The following CUTC variants were observed in gnomAD, a reference collection of about 807,000 sequenced individuals.
CUTC encodes the protein cutC copper transporter.
In CUTC, 27 loss-of-function variants were observed where a neutral mutation model predicts 36.2. The ratio of observed to expected loss-of-function variants is 0.75; its 90% CI spans 0.55 to 1.03. The LOEUF (loss-of-function observed/expected upper bound fraction) is 1.03. Among genes scored for constraint, CUTC ranks in the 50% least tolerant of loss-of-function variants. CUTC has a pLI of 0.00. For missense variants in CUTC, 315 were observed against 343.5 expected (o/e 0.92, Z 0.66); for synonymous variants, 114 against 118.3 (o/e 0.96, Z 0.24).
intron 6 of CUTC, among the ~76,000 whole-genome samples, chr10:99,748,688 A>G (rs2037397138): frequency 6.6e-6 from 1 of 152,186 alleles, no homozygotes; most frequent in African/African-American, 2.4e-5. Context: ...AATTAGAGGA[A>G]GCTTCCCAGA....
chr10:99,744,863 C>A lies in CUTC; in HGVS notation c.439+791C>A, dbSNP rs998120616. Among the ~76,000 whole-genome samples, 51 of 152,328 alleles carry A rather than the reference C, an allele frequency of 3.3e-4. 1 individual carries two copies. The highest frequency in any genetic ancestry group is 1.2e-3 in the African/African-American group (49 of 41,584). On this transcript the variant is annotated intron_variant, in intron 5 of 8. Transcript: ENST00000370476. Reference sequence around the variant, plus strand: ...CTGCCTCCCGGGTTCAAGCAGTTCTCTGCCTCAGCCTCCCGAGTAGCTGGG... The same window carrying A: ...CTGCCTCCCGGGTTCAAGCAGTTCTATGCCTCAGCCTCCCGAGTAGCTGGG...
chr10:99,747,191 T>G, intron 5 of CUTC, 66 bp from the exon 6 acceptor site: 1 of 1,575,088 alleles, frequency 6.3e-7, no homozygotes, highest in Non-Finnish European at 8.7e-7. Context: ...GCATGTATAC[T>G]ACATTTTGGG....
intron 6 of CUTC, among the ~76,000 whole-genome samples, chr10:99,748,425 A>G (rs2133676475): frequency 6.6e-6 from 1 of 152,318 alleles, no homozygotes; most frequent in African/African-American, 2.4e-5. Flanking sequence ...TAAAGATCTG[A>G]TGTGACTTTG....
At chr10:99,752,214 T>C (rs1173124862) in intron 7 of CUTC, among the ~76,000 whole-genome samples, 1 of 152,038 alleles carries the variant, frequency 6.6e-6, no homozygotes, top group Non-Finnish European at 1.5e-5. Flanking sequence ...GACACCATCT[T>C]TACCAAAACG....
chr10:99,741,080 T>G (rs187113397), intron 3 of CUTC, among the ~76,000 whole-genome samples: 1 of 152,358 alleles, frequency 6.6e-6, no homozygotes, highest in East Asian at 1.9e-4. Flanking sequence ...TATATCTTAT[T>G]TTCCTGCCTT....
In CUTC at chr10:99,755,943, A is replaced by C; in HGVS notation, c.*204A>C. 1 of 501,994 alleles carries C rather than the reference A, an allele frequency of 2.0e-6. No individual in the cohort carries two copies. The highest frequency in any genetic ancestry group is 3.5e-6 in the Non-Finnish European group (1 of 283,698). The allele number at this position is 501,994 out of a possible 1,614,324, so 31.1% of individuals were successfully genotyped here. A position where few individuals can be genotyped will look rare whatever the true frequency, so the allele number is the denominator to read the frequency against. On this transcript the variant is annotated 3_prime_UTR_variant, in exon 9 of 9. Transcript: ENST00000370476. ...GTCACTTCCTTTGCTTAGTCTTACCAGTGATTGTCATCATGGTTAAAGCTG... is the reference window on the plus strand; with the variant it reads ...GTCACTTCCTTTGCTTAGTCTTACCCGTGATTGTCATCATGGTTAAAGCTG...
Position 99,732,416 on chromosome 10 carries a change from A to T in CUTC, c.61+7A>T. 1 of 1,550,630 alleles carries T rather than the reference A, an allele frequency of 6.4e-7. No individual in the cohort carries two copies. The highest frequency in any genetic ancestry group is 1.8e-4 in the Middle Eastern group (1 of 5,464). On this transcript the variant is annotated splice_region_variant and intron_variant, in intron 1 of 8. Coordinates refer to ENST00000370476, the MANE Select transcript of CUTC (RefSeq NM_015960.3). ...ATACCGTCCGGGAAGGCCGGTGCGG[A>T]AGGTGGCGGGGGAGGGGACGGTCGG...
chr10:99,733,212 G>A (rs1008633764), intron 1 of CUTC, among the ~76,000 whole-genome samples: 5 of 152,152 alleles, frequency 3.3e-5, no homozygotes, highest in African/African-American at 1.2e-4. Flanking sequence ...GGGAGGCTGA[G>A]GCAGGAGAAT....
intron 5 of CUTC, among the ~76,000 whole-genome samples, chr10:99,746,782 AT>A (rs2037380524): frequency 2.0e-5 from 3 of 151,744 alleles, no homozygotes; most frequent in Admixed American, 2.0e-4. Flanking sequence ...TTAAATTTTT[AT>A]TTTTCTTTTG....
At chr10:99,751,608 A>T (rs994547168) in intron 7 of CUTC, among the ~76,000 whole-genome samples, 8 of 152,228 alleles carry the variant, frequency 5.3e-5, no homozygotes, top group African/African-American at 1.9e-4. Flanking sequence ...CTGTAATCCC[A>T]GCACTTTGGG....
intron 6 of CUTC, among the ~76,000 whole-genome samples, chr10:99,748,825 A>G (rs982146106): frequency 4.6e-5 from 7 of 152,242 alleles, no homozygotes; most frequent in African/African-American, 1.4e-4. Flanking sequence ...ATACAAAACA[A>G]ATAGTATAAG....
In CUTC at chr10:99,737,247, G is replaced by A. The variant is rs567272655; in HGVS notation, c.133+930G>A. ...CACACCACTGCACTCTAGCCTGGGT[G>A]ACACAGCCAGATCTTGTCTAAAAAA... is the stretch of plus-strand genomic sequence containing the variant. On this transcript the variant is annotated intron_variant, in intron 2 of 8. Coordinates refer to ENST00000370476, the MANE Select transcript of CUTC (RefSeq NM_015960.3). Among the ~76,000 whole-genome samples, 13 of 150,450 alleles carry A rather than the reference G, an allele frequency of 8.6e-5. No homozygotes were observed. The South Asian group carries it at 2.5e-3, about 29-fold the overall frequency.
At chr10:99,751,117 A>G (rs2037413277) in intron 7 of CUTC, among the ~76,000 whole-genome samples, 1 of 152,206 alleles carries the variant, frequency 6.6e-6, no homozygotes, top group Admixed American at 6.5e-5. Context: ...AATTTGTCTC[A>G]TCTTTTTTCT....
chr10:99,741,983 T>C (rs2037344975), intron 3 of CUTC, among the ~76,000 whole-genome samples: 1 of 152,204 alleles, frequency 6.6e-6, no homozygotes, highest in African/African-American at 2.4e-5. Flanking sequence ...GCTACTTCAG[T>C]CTTCCTGAAC....
At chr10:99,751,861 A>G (rs192366095) in intron 7 of CUTC, among the ~76,000 whole-genome samples, 3 of 152,360 alleles carry the variant, frequency 2.0e-5, no homozygotes, top group Admixed American at 6.5e-5. Context: ...CCGTCTCAAA[A>G]TAAAATAAAA....
intron 1 of CUTC, chr10:99,732,713 G>C (rs2037228488): frequency 1.4e-6 from 1 of 733,604 alleles, no homozygotes; most frequent in African/African-American, 1.9e-5. Context: ...GCCACACGAG[G>C]ATGCCAGTAC....
intron 5 of CUTC, among the ~76,000 whole-genome samples, chr10:99,746,507 TA>T (rs955053189): frequency 6.6e-6 from 1 of 151,752 alleles, no homozygotes; most frequent in Admixed American, 6.6e-5. Flanking sequence ...CCCCTGAACT[TA>T]AAAAAAAGTT....
At chr10:99,740,968 C>A (rs1456353862) in intron 3 of CUTC, among the ~76,000 whole-genome samples, 1 of 152,100 alleles carries the variant, frequency 6.6e-6, no homozygotes, top group Non-Finnish European at 1.5e-5. Context: ...CTTTTTTGAA[C>A]ATGTGGAATA....
At chr10:99,749,389 C>T (rs528933107) in intron 6 of CUTC, among the ~76,000 whole-genome samples, 2 of 152,176 alleles carry the variant, frequency 1.3e-5, no homozygotes, top group Non-Finnish European at 2.9e-5. Flanking sequence ...CAGGTTATAG[C>T]ACTTAGTAAT....
Sources: allele counts gnomAD v4.1 joint callset (sites outside exome capture counted in the v4.1 genomes callset), GRCh38; gene constraint gnomAD v4.1.1; transcripts MANE v1.5; gene names NCBI Gene and HGNC (gene_info 2026-07-23, HGNC 2026-07-21).